Variants in RANBP3 observed in about 807,000 individuals in gnomAD.
The protein encoded by RANBP3 is RAN binding protein 3, also known as ran-binding protein 3.
RANBP3 carries 14 observed loss-of-function variants against 77.3 expected under a neutral mutation model. The observed-to-expected ratio is 0.18, with a 90% CI of 0.12 to 0.28. The LOEUF (loss-of-function observed/expected upper bound fraction) is 0.28, where lower values mean the gene tolerates loss of function less well. RANBP3 is among the 10% of genes least tolerant of loss of function. RANBP3 has a pLI of 1.00. For missense variants in RANBP3, 586 were observed against 752.3 expected, an observed-to-expected ratio of 0.78 and a Z score of 2.59; for synonymous variants, 315 against 312.4, an observed-to-expected ratio of 1.01 and a Z score of -0.09.
In RANBP3 at chr19:5,952,112, C is replaced by T. The variant is rs1014495289; in HGVS notation, c.79-516G>A. ...TCTCGCCGGGGTCAAGGGCTTCTGC[C>T]TCTCACTACAGTTCTTCTAGCACTT... is the stretch of plus-strand genomic sequence containing the variant. On this transcript the variant is annotated intron_variant, in intron 2 of 16. Coordinates refer to ENST00000340578, the MANE Select transcript of RANBP3 (RefSeq NM_007322.3). This position sits in a 1 kb window ranked among gnomAD's most constrained non-coding sequence, Gnocchi z 4.1. Among the ~76,000 whole-genome samples, 4 of 152,120 alleles carry T rather than the reference C, an allele frequency of 2.6e-5. No homozygotes were observed. The highest frequency in any genetic ancestry group is 9.7e-5 in the African/African-American group (4 of 41,372).
intron 3 of RANBP3, among the ~76,000 whole-genome samples, chr19:5,943,362 C>G (rs2058164001): frequency 6.6e-6 from 1 of 152,204 alleles, no homozygotes. Context: ...GGAGCCAAGG[C>G]AGACCCCCCT....
At chr19:5,925,296 G>A (rs546630923) in intron 10 of RANBP3, 7 of 479,734 alleles carry the variant, frequency 1.5e-5, no homozygotes, top group South Asian at 1.1e-4. Flanking sequence ...ATAAGGGGGC[G>A]CCTGAGTCGC....
intron 5 of RANBP3, among the ~76,000 whole-genome samples, chr19:5,935,362 G>A (rs1022511241): frequency 1.3e-5 from 2 of 152,212 alleles, no homozygotes; most frequent in Non-Finnish European, 2.9e-5. Flanking sequence ...AAACTCAGGA[G>A]AGCCAGATCC....
intron 3 of RANBP3, 75 bp from the exon 4 acceptor site, chr19:5,941,910 CA>C: frequency 6.5e-7 from 1 of 1,544,704 alleles, no homozygotes; most frequent in Non-Finnish European, 8.9e-7. Context: ...GGGGCCGTAA[CA>C]AATATCCCAA....
At chr19:5,937,116 GGAAACATCACTCTAAA>G (rs1359069234) in intron 5 of RANBP3, among the ~76,000 whole-genome samples, 2 of 146,934 alleles carry the variant, frequency 1.4e-5, no homozygotes, top group African/African-American at 5.0e-5. Flanking sequence ...GTCGTCAGCG[GGAAACATCACTCTAAA>G]GACATCACTG....
At chr19:5,945,215 G>A (rs977209119) in intron 3 of RANBP3, among the ~76,000 whole-genome samples, 7 of 152,206 alleles carry the variant, frequency 4.6e-5, no homozygotes, top group Non-Finnish European at 7.3e-5. Context: ...CGGAGAAGCC[G>A]AAGACCTGAG....
At chr19:5,945,944 G>A (rs2058198704) in intron 3 of RANBP3, among the ~76,000 whole-genome samples, 1 of 151,714 alleles carries the variant, frequency 6.6e-6, no homozygotes, top group Non-Finnish European at 1.5e-5. Context: ...ATTAGCTCTA[G>A]CCCCCCGAGA....
rs368658975 is a variant in RANBP3, at chr19:5,917,786, C to T, written c.1660+8G>A. The stretch of plus-strand genomic sequence containing the variant: ...TATCCCCCCCAGGGTAGGGACCACC[C>T]GACTCACCAGCTGCGGTGGCCCCTG... On this transcript the variant is annotated splice_region_variant and intron_variant, in intron 16 of 16. Transcript: ENST00000340578. 3.9e-5 allele frequency: 62 copies of T among 1,603,826 alleles called. No individual in the cohort carries two copies. The South Asian group carries it at 4.8e-4, about 12-fold the overall frequency.
intron 1 of RANBP3, among the ~76,000 whole-genome samples, chr19:5,977,299 T>C (rs878885098): frequency 6.6e-6 from 1 of 151,838 alleles, no homozygotes; most frequent in African/African-American, 2.4e-5. Context: ...TATGGTGCCT[T>C]CTCGGGGGAT....
intron 1 of RANBP3, chr19:5,962,757 C>G (rs997256676): frequency 1.1e-5 from 5 of 455,866 alleles, no homozygotes; most frequent in Non-Finnish European, 2.2e-5. Context: ...TCTACTCAGG[C>G]CAAAGGTTGA....
intron 2 of RANBP3, among the ~76,000 whole-genome samples, chr19:5,954,743 A>C (rs1289357605): frequency 1.3e-5 from 2 of 152,182 alleles, no homozygotes; most frequent in African/African-American, 2.4e-5. Context: ...GCAAGAGAGA[A>C]TGAAACCATA....
chr19:5,939,404 G>T (rs1426798801), intron 5 of RANBP3, among the ~76,000 whole-genome samples: 2 of 152,120 alleles, frequency 1.3e-5, no homozygotes, highest in Non-Finnish European at 2.9e-5. Flanking sequence ...AGCTGAAGAA[G>T]AACTGACTTT....
chr19:5,973,323 T>C (rs538271123), intron 1 of RANBP3, among the ~76,000 whole-genome samples: 3 of 152,270 alleles, frequency 2.0e-5, no homozygotes, highest in South Asian at 2.1e-4. Context: ...TCTCGACTCA[T>C]ACCTGGTCAG....
rs76008664 is a variant in RANBP3, at chr19:5,944,654, C to T, written c.283-2819G>A. Among the ~76,000 whole-genome samples, 1,522 of 152,344 alleles carry T rather than the reference C, an allele frequency of 1.0e-2. 22 individuals carry two copies. Among genetic ancestry groups the T allele is most frequent in the South Asian group, 0.059 (286 of 4,832 alleles). On this transcript the variant is annotated intron_variant, in intron 3 of 16. Transcript: ENST00000340578. Reference sequence around the variant, plus strand: ...CCAGAGCCCTGTAGGCTGGCTTTGGCCTCCAAATGCTCTGTGCAGGTCACT... The same window carrying T: ...CCAGAGCCCTGTAGGCTGGCTTTGGTCTCCAAATGCTCTGTGCAGGTCACT...
At chr19:5,957,257 T>C (rs2145208226) in intron 2 of RANBP3, among the ~76,000 whole-genome samples, 1 of 152,268 alleles carries the variant, frequency 6.6e-6, no homozygotes, top group Non-Finnish European at 1.5e-5. Flanking sequence ...ATAGCACCCA[T>C]CGTTGTCTTA....
At chr19:5,953,093 G>A (rs142121004) in intron 2 of RANBP3, among the ~76,000 whole-genome samples, 3 of 152,188 alleles carry the variant, frequency 2.0e-5, no homozygotes, top group African/African-American at 4.8e-5. Flanking sequence ...GGACCAAGAA[G>A]TAAGTCATAA....
At position 5,936,823 on chromosome 19, in the gene RANBP3, G is replaced by A. The variant is rs996439753; in HGVS notation, c.407-3344C>T. On this transcript the variant is annotated intron_variant, in intron 5 of 16. Coordinates refer to ENST00000340578, the MANE Select transcript of RANBP3 (RefSeq NM_007322.3). ...CTCGCCTGTCTATGTTGACACAATC[G>A]ATCAAGGAACAAGCACGTGGGGAGA... Among the ~76,000 whole-genome samples, 3 of 152,112 alleles carry A rather than the reference G, an allele frequency of 2.0e-5. 1 individual carries two copies. The highest frequency in any genetic ancestry group is 4.2e-4 in the South Asian group (2 of 4,814).
intron 7 of RANBP3, 35 bp from the exon 8 acceptor site, chr19:5,931,566 G>A: frequency 6.3e-7 from 1 of 1,582,184 alleles, no homozygotes; most frequent in South Asian, 1.1e-5. Context: ...AATCACAGGT[G>A]CTTGGCGGCC....
In RANBP3 at chr19:5,921,502, G is replaced by C. The variant is rs2057819329; in HGVS notation, c.1210-181C>G. 6.6e-6 allele frequency among the ~76,000 whole-genome samples: 1 copy of C among 152,174 alleles called. No individual in the cohort carries two copies. The highest frequency in any genetic ancestry group is 1.5e-5 in the Non-Finnish European group (1 of 68,028). On this transcript the variant is annotated intron_variant, in intron 13 of 16. Coordinates refer to ENST00000340578, the MANE Select transcript of RANBP3 (RefSeq NM_007322.3). The surrounding 1 kb of genome is among the most constrained non-coding windows in gnomAD (Gnocchi z 5.3). ...AGAACAGGCTTTACATTGTATAAGG[G>C]GTATCTGAAATTAAAAGAATCACTA...
Sources: gnomAD v4.1 joint callset for allele counts (sites outside exome capture counted in the v4.1 genomes callset) on GRCh38, gnomAD v4.1.1 for gene constraint, Gnocchi (gnomAD v3.1) non-coding constraint, MANE v1.5 for transcripts, NCBI Gene and HGNC (gene_info 2026-07-23, HGNC 2026-07-21) for gene names.